PDK3: variants seen among roughly 807,000 people sequenced by gnomAD.
PDK3 encodes pyruvate dehydrogenase kinase, isozyme 3.
A neutral mutation model predicts 32.0 loss-of-function variants in PDK3; 12 were observed. That is an observed-to-expected ratio of 0.37 (90% confidence interval 0.24 to 0.61). The LOEUF (loss-of-function observed/expected upper bound fraction) is 0.61. PDK3 is among the 20% of genes least tolerant of loss of function. The pLI is 0.65. For missense variants in PDK3, 188 were observed against 316.9 expected, an observed-to-expected ratio of 0.59 and a Z score of 3.09; for synonymous variants, 122 against 116.3, an observed-to-expected ratio of 1.05 and a Z score of -0.31.
chrX:24,540,582 G>A (rs761961622), exon 12 of PDK3, among the ~76,000 whole-genome samples: 27 of 111,753 alleles, frequency 2.4e-4, no homozygotes, highest in Non-Finnish European at 4.9e-4. Flanking sequence ...TAGTTCCACT[G>A]GATCTTGTTT....
At chrX:24,540,418 G>A (rs1213911004) in exon 12 of PDK3, among the ~76,000 whole-genome samples, 2 of 111,789 alleles carry the variant, frequency 1.8e-5, no homozygotes, top group Non-Finnish European at 3.8e-5. Flanking sequence ...GTCCACTGAT[G>A]TAGAAGTTCT....
At position 24,486,054 on chromosome X, in the gene PDK3, T is replaced by C. The variant is rs139310340; in HGVS notation, c.107-8688T>C. The stretch of plus-strand genomic sequence containing the variant: ...AGATCGCATTTTCCAAAGATGGCCA[T>C]GAGGATACTTTTCTACAGTGTGACC... On this transcript the variant is annotated intron_variant, in intron 1 of 10. Coordinates refer to ENST00000379162, the MANE Select transcript of PDK3 (RefSeq NM_005391.5). Among the ~76,000 whole-genome samples the C allele has an allele frequency of 3.7e-3, 419 of 112,023 alleles. 2 individuals are homozygous for C. Among genetic ancestry groups the C allele is most frequent in the African/African-American group, 0.012 (369 of 30,797 alleles).
At chrX:24,499,118 A>G (rs551415413) in intron 3 of PDK3, 64 of 283,285 alleles carry the variant, frequency 2.3e-4, no homozygotes, top group South Asian at 1.8e-3. Context: ...TTTTGCTTTT[A>G]TGATCTAATA....
exon 12 of PDK3, among the ~76,000 whole-genome samples, chrX:24,540,144 C>G (rs1207609): frequency 0.49 from 53,792 of 110,729 alleles, 9,421 homozygotes; most frequent in African/African-American, 0.58. Flanking sequence ...AGAATTGTCA[C>G]CTCAGTCTGA....
chrX:24,495,695 T>C (rs1254096057), intron 2 of PDK3, among the ~76,000 whole-genome samples: 1 of 112,394 alleles, frequency 8.9e-6, no homozygotes, highest in Non-Finnish European at 1.9e-5. Context: ...ACCTGGAGAC[T>C]CTCTGATGGT....
intron 1 of PDK3, among the ~76,000 whole-genome samples, chrX:24,488,146 C>T (rs940712292): frequency 1.8e-5 from 2 of 110,621 alleles, no homozygotes; most frequent in Non-Finnish European, 3.8e-5. Context: ...ACTATGTAAA[C>T]CAGGTATAAA....
intron 1 of PDK3, among the ~76,000 whole-genome samples, chrX:24,471,152 A>G (rs777512247): frequency 1.8e-5 from 2 of 111,450 alleles, no homozygotes; most frequent in African/African-American, 3.3e-5. Context: ...GTGTATACCT[A>G]TGTAACAAAC....
chrX:24,549,848 A>T (rs182569315), exon 12 of PDK3: 1 of 112,011 alleles, frequency 8.9e-6, no homozygotes, highest in Admixed American at 9.5e-5. Context: ...ATCTAAAACA[A>T]CTTGTGACTA....
intron 1 of PDK3, among the ~76,000 whole-genome samples, chrX:24,488,068 T>TA (rs1170042978): frequency 1.5e-5 from 1 of 66,147 alleles, no homozygotes; most frequent in Non-Finnish European, 3.0e-5. Context: ...ATTGAAGAAA[T>TA]AATTATTTTT....
chrX:24,540,148 A>C (rs1228971178), exon 12 of PDK3, among the ~76,000 whole-genome samples: 2 of 112,167 alleles, frequency 1.8e-5, no homozygotes, highest in Non-Finnish European at 3.8e-5. Flanking sequence ...TTGTCACCTC[A>C]GTCTGATTTT....
Position 24,503,388 on chromosome X carries a change from C to G in PDK3, c.382C>G (p.Gln128Glu). 8.3e-7 allele frequency: 1 copy of G among 1,203,299 alleles called. No homozygotes were observed. The highest frequency in any genetic ancestry group is 1.7e-5 in the African/African-American group (1 of 57,647). Residue 128 changes from glutamine (Q) to glutamate (E), a missense_variant, in exon 4 of 11, where the codon CAA becomes GAA. Transcript: ENST00000379162. Reference protein sequence around the residue: ...RHNDVVPTMAQGVIEYKEKFG... With the variant: ...RHNDVVPTMAEGVIEYKEKFG... ...CAATGATGTGGTTCCTACAATGGCA[C>G]AAGGAGTGATTGAATACAAGGAGAA...
chrX:24,508,601 C>T (rs984382875), intron 5 of PDK3, among the ~76,000 whole-genome samples: 18 of 111,328 alleles, frequency 1.6e-4, no homozygotes, highest in Admixed American at 1.3e-3. Flanking sequence ...GAGGAGGAAT[C>T]GACTGTGATT....
At chrX:24,502,275 G>A (rs1356315963) in intron 3 of PDK3, among the ~76,000 whole-genome samples, 4 of 111,789 alleles carry the variant, frequency 3.6e-5, no homozygotes. Context: ...AAATTAGGAT[G>A]TGACTGAAAT....
rs772796682 is a variant in PDK3, at chrX:24,494,885, T to C, written c.248+2T>C. ...TTCAGTGGGATTGGTTCAGAGTTGGTAAGTAAACAATGTGGCTTAAAATGG... is the reference window on the plus strand; with the variant it reads ...TTCAGTGGGATTGGTTCAGAGTTGGCAAGTAAACAATGTGGCTTAAAATGG... On this transcript the variant is annotated splice_donor_variant, in intron 2 of 10. Coordinates refer to ENST00000379162, the MANE Select transcript of PDK3 (RefSeq NM_005391.5). LOFTEE classifies it high-confidence loss of function. 1 of 1,198,607 alleles carries C rather than the reference T, an allele frequency of 8.3e-7. No homozygotes were observed. Among genetic ancestry groups the C allele is most frequent in the Admixed American group, 2.2e-5 (1 of 44,742 alleles).
At chrX:24,518,599 GC>G (rs778396352) in intron 5 of PDK3, among the ~76,000 whole-genome samples, 11 of 111,921 alleles carry the variant, frequency 9.8e-5, no homozygotes, top group Non-Finnish European at 1.3e-4. Context: ...CGGGAGGACT[GC>G]TTGAGCCCAG....
chrX:24,526,119 A>G, intron 6 of PDK3, 79 bp from the exon 7 acceptor site: 1 of 755,534 alleles, frequency 1.3e-6, no homozygotes, highest in East Asian at 3.2e-5. Flanking sequence ...ACACACTTGG[A>G]AAATAGAATG....
intron 1 of PDK3, among the ~76,000 whole-genome samples, chrX:24,481,054 T>TTC (rs1402235126): frequency 1.8e-5 from 2 of 109,296 alleles, no homozygotes; most frequent in African/African-American, 3.3e-5. Context: ...TTTTTCTTTT[T>TTC]TTTTTTTTTG....
chrX:24,523,876 G>T (rs1182308190), intron 6 of PDK3, among the ~76,000 whole-genome samples: 1 of 111,790 alleles, frequency 8.9e-6, no homozygotes, highest in Non-Finnish European at 1.9e-5. Flanking sequence ...ATGAACGCCA[G>T]CTCCCTCATA....
intron 1 of PDK3, among the ~76,000 whole-genome samples, chrX:24,484,938 C>T (rs1265949022): frequency 9.0e-6 from 1 of 111,183 alleles, no homozygotes; most frequent in African/African-American, 3.3e-5. Context: ...CTCTTTACCC[C>T]TAGATACTTA....
Sources: allele counts gnomAD v4.1 joint callset (sites outside exome capture counted in the v4.1 genomes callset), GRCh38; gene constraint gnomAD v4.1.1; transcripts MANE v1.5; gene names NCBI Gene and HGNC (gene_info 2026-07-23, HGNC 2026-07-21).